Variants in RPS19BP1 observed in about 807,000 individuals in gnomAD.
The protein encoded by RPS19BP1 is ribosomal protein S19 binding protein 1.
Under a neutral mutation model 16.6 loss-of-function variants are expected in RPS19BP1, and 14 were observed. The ratio of observed to expected loss-of-function variants is 0.84; its 90% CI spans 0.56 to 1.32. The LOEUF is 1.32. Ranked by LOEUF, RPS19BP1 falls within the 40% of genes most tolerant of loss-of-function variation. The pLI, the probability that RPS19BP1 is intolerant of heterozygous loss-of-function variation, is 0.00. For missense variants in RPS19BP1, 188 were observed against 178.6 expected, an observed-to-expected ratio of 1.05 and a Z score of -0.30; for synonymous variants, 90 against 77.3, an observed-to-expected ratio of 1.16 and a Z score of -0.86.
At chr22:39,529,703 G>A in intron 3 of RPS19BP1, 80 bp from the exon 4 acceptor site, 1 of 1,600,764 alleles carries the variant, frequency 6.2e-7, no homozygotes, top group Non-Finnish European at 8.5e-7. Flanking sequence ...GTTCGGCGCA[G>A]GGCAGGGCTG....
intron 3 of RPS19BP1, 54 bp from the exon 4 acceptor site, chr22:39,529,677 C>T: frequency 3.7e-6 from 6 of 1,608,226 alleles, no homozygotes; most frequent in Non-Finnish European, 5.1e-6. Flanking sequence ...AGGAGGCCCG[C>T]AAAGGTCACA....
At chr22:39,532,634 G>A in intron 1 of RPS19BP1, 53 bp downstream of exon 1, 1 of 1,591,014 alleles carries the variant, frequency 6.3e-7, no homozygotes, top group Non-Finnish European at 8.5e-7. Flanking sequence ...CCCGCCCGCA[G>A]CCACTACCAT....
intron 1 of RPS19BP1, 61 bp from the exon 2 acceptor site, chr22:39,532,584 TG>T (rs1931346342): frequency 3.7e-6 from 6 of 1,610,698 alleles, no homozygotes; most frequent in South Asian, 3.3e-5. Flanking sequence ...CCCATGCCAC[TG>T]GGGCTAAGCC....
rs367890390 is a variant in RPS19BP1, at chr22:39,532,548, A to G, written c.53-25T>C. 7.4e-6 allele frequency: 12 copies of G among 1,612,872 alleles called. No individual in the cohort carries two copies. In the African/African-American group the frequency reaches 1.6e-4, roughly 22 times the overall value. On this transcript the variant is annotated intron_variant, in intron 1 of 3. Transcript: ENST00000334678. Reference sequence around the variant, plus strand: ...GCTGTAGGGGAAGAGAGAGGAAGAGACCCAGGTCAGAGGGCGCGCAGCGTT... The same window carrying G: ...GCTGTAGGGGAAGAGAGAGGAAGAGGCCCAGGTCAGAGGGCGCGCAGCGTT...
intron 2 of RPS19BP1, chr22:39,531,898 C>T (rs1931320080): frequency 5.9e-6 from 1 of 168,424 alleles, no homozygotes; most frequent in South Asian, 1.3e-4. Context: ...AATGCTCCAT[C>T]TTTGATCCTC....
chr22:39,532,133 A>G, intron 2 of RPS19BP1: 1 of 465,926 alleles, frequency 2.1e-6, no homozygotes. Context: ...CTTTTAATTC[A>G]TAGGCTTCAA....
rs762260975 is a variant in RPS19BP1 at position 39,529,836 on chromosome 22, T to A, written c.263A>T (p.Glu88Val). 6.2e-7 allele frequency: 1 copy of A among 1,614,156 alleles called. No homozygotes were observed. The highest frequency in any genetic ancestry group is 2.2e-5 in the East Asian group (1 of 44,882). The change falls in exon 3 of 4, where the codon GAG becomes GTG. Residue 88 changes from glutamate (E) to valine (V), a missense_variant. Physicochemically the swap from Glu to Val is moderately radical, Grantham distance 121. Coordinates refer to ENST00000334678, the MANE Select transcript of RPS19BP1 (RefSeq NM_194326.4). ...FLTRTRSTVA[E>V]SVSQQILRQN... is the part of the protein sequence containing the mutation. ...TCGACCAACCTGCTGGCTCACAGAC[T>A]CAGCCACGGTGCTTCTCGTCCTGGT...
At chr22:39,529,726 A>G in intron 3 of RPS19BP1, 94 bp downstream of exon 3, 1 of 1,593,872 alleles carries the variant, frequency 6.3e-7, no homozygotes, top group South Asian at 1.1e-5. Flanking sequence ...CCAGCCTCCC[A>G]CCCTATGCTC....
intron 2 of RPS19BP1, 48 bp from the exon 3 acceptor site, chr22:39,529,965 A>G (rs1375597100): frequency 4.1e-6 from 6 of 1,478,734 alleles, no homozygotes; most frequent in Non-Finnish European, 5.7e-6. Context: ...CTCCCCCTGG[A>G]ACCATTCTCA....
At chr22:39,532,295 A>C in intron 2 of RPS19BP1, 100 bp downstream of exon 2, 3 of 1,554,574 alleles carry the variant, frequency 1.9e-6, no homozygotes, top group East Asian at 4.5e-5. Context: ...AGGTCTAGCA[A>C]TACCGGGCGA....
intron 2 of RPS19BP1, chr22:39,532,180 T>C (rs1247203990): frequency 1.0e-5 from 6 of 588,078 alleles, no homozygotes; most frequent in Non-Finnish European, 1.8e-5. Context: ...TGATATTCTT[T>C]GATGCTTCTC....
At position 39,529,728 on chromosome 22, in the gene RPS19BP1, C is replaced by G. The variant is rs1017918465; in HGVS notation, c.279+92G>C. The G allele has an allele frequency of 8.1e-6, 13 of 1,597,136 alleles. No individual in the cohort carries two copies. In the Admixed American group the frequency reaches 8.4e-5, roughly 10 times the overall value. ...GGGCAGGGCTGGCCCAGCCTCCCAC[C>G]CTATGCTCAGGGCTGAGACCGCCAT... On this transcript the variant is annotated intron_variant, in intron 3 of 3. Transcript: ENST00000334678.
At position 39,532,202 on chromosome 22, in the gene RPS19BP1, G is replaced by A. The variant is rs1304687154; in HGVS notation, c.181+193C>T. Reference sequence around the variant, plus strand: ...CTTTGATGCTTCTCTCCCCACTAGGGCCGTAGTCCACGAGGACCAGGACGG... The same window carrying A: ...CTTTGATGCTTCTCTCCCCACTAGGACCGTAGTCCACGAGGACCAGGACGG... On this transcript the variant is annotated intron_variant, in intron 2 of 3. Transcript: ENST00000334678. 4 of 661,308 alleles carry A rather than the reference G, an allele frequency of 6.0e-6. No homozygotes were observed. In the African/African-American group the frequency reaches 7.3e-5, roughly 12 times the overall value. 41.0% of individuals were successfully genotyped at this position (661,308 alleles called of 1,614,324 possible). A position where few individuals can be genotyped will look rare whatever the true frequency, so the allele number is the denominator to read the frequency against.
At chr22:39,530,067 C>T in intron 2 of RPS19BP1, 150 bp from the exon 3 acceptor site, 6 of 652,670 alleles carry the variant, frequency 9.2e-6, no homozygotes, top group Non-Finnish European at 1.6e-5. Flanking sequence ...GCATTCTCCA[C>T]ACAGGTCCTG....
intron 2 of RPS19BP1, 142 bp from the exon 3 acceptor site, chr22:39,530,059 A>C: frequency 3.0e-6 from 2 of 671,682 alleles, no homozygotes; most frequent in South Asian, 1.8e-5. Context: ...CATCAAATGC[A>C]TTCTCCACAC....
chr22:39,529,988 T>G (rs1414706734), intron 2 of RPS19BP1, 71 bp from the exon 3 acceptor site: 3 of 1,289,436 alleles, frequency 2.3e-6, no homozygotes, highest in Non-Finnish European at 3.4e-6. Flanking sequence ...CCCTGGCCCA[T>G]GGCCCTGCCA....
chr22:39,532,621 G>A, intron 1 of RPS19BP1, 66 bp downstream of exon 1: 1 of 1,595,406 alleles, frequency 6.3e-7, no homozygotes, highest in Non-Finnish European at 8.5e-7. Context: ...TCCATCCAGG[G>A]CTCCCGCCCG....
chr22:39,532,042 T>A (rs1414128252), intron 2 of RPS19BP1: 1 of 284,968 alleles, frequency 3.5e-6, no homozygotes. Flanking sequence ...CTCACTCTTA[T>A]ACATCCTTCA....
chr22:39,531,340 T>A (rs1342438789), intron 2 of RPS19BP1: 2 of 151,862 alleles, frequency 1.3e-5, no homozygotes, highest in Admixed American at 1.3e-4. Context: ...TAAGTTGTAT[T>A]TCCTCCTTGG....
Sources: gnomAD v4.1 joint callset for allele counts on GRCh38, gnomAD v4.1.1 for gene constraint, MANE v1.5 for transcripts, NCBI Gene and HGNC (gene_info 2026-07-23, HGNC 2026-07-21) for gene names.